CADM2: variants seen among roughly 807,000 people sequenced by gnomAD.
CADM2 encodes cell adhesion molecule 2.
CADM2 carries 12 observed loss-of-function variants against 49.8 expected under a neutral mutation model. The ratio of observed to expected loss-of-function variants is 0.24; its 90% confidence interval spans 0.15 to 0.39. CADM2 has a LOEUF of 0.39. Ranked by LOEUF, CADM2 falls within the 10% of genes least tolerant of loss-of-function variation. The probability of loss-of-function intolerance (pLI) is 1.00; values close to 1 mark genes in which losing one functional copy is unlikely to be tolerated. For missense variants in CADM2, 378 were observed against 492.3 expected (o/e 0.77, Z 2.20); for synonymous variants, 214 against 175.4 (o/e 1.22, Z -1.74).
intron 1 of CADM2, among the ~76,000 whole-genome samples, chr3:85,103,448 A>T: frequency 6.6e-6 from 1 of 152,142 alleles, no homozygotes; most frequent in East Asian, 1.9e-4. Flanking sequence ...ATCATGAGGG[A>T]GCACAAGATA....
intron 1 of CADM2, among the ~76,000 whole-genome samples, chr3:85,034,920 AG>A (rs1038654297): frequency 6.7e-6 from 1 of 148,732 alleles, no homozygotes; most frequent in Non-Finnish European, 1.5e-5. Flanking sequence ...CTCCTGCTTC[AG>A]CCTCCCAAGT....
intron 8 of CADM2, among the ~76,000 whole-genome samples, chr3:86,018,899 A>G (rs1203813290): frequency 1.3e-5 from 2 of 149,548 alleles, no homozygotes; most frequent in Admixed American, 6.7e-5. Context: ...ACATTTGTCA[A>G]TTTTGTCTTT....
At chr3:85,203,225 A>G (rs1024213922) in intron 1 of CADM2, among the ~76,000 whole-genome samples, 5 of 152,214 alleles carry the variant, frequency 3.3e-5, no homozygotes, top group Non-Finnish European at 5.9e-5. Flanking sequence ...GGCTTTTGAC[A>G]TGCCTCCTTC....
At chr3:86,030,584 G>T (rs908257451) in intron 8 of CADM2, among the ~76,000 whole-genome samples, 3 of 151,818 alleles carry the variant, frequency 2.0e-5, no homozygotes, top group Admixed American at 6.6e-5. Context: ...TTTCAGATTT[G>T]CCCACACAAG....
chr3:85,373,411 A>G (rs573259448), intron 1 of CADM2, among the ~76,000 whole-genome samples: 81 of 152,218 alleles, frequency 5.3e-4, no homozygotes, highest in African/African-American at 1.8e-3. Flanking sequence ...CTCTGACCCT[A>G]TGACTTTACA....
chr3:85,301,710 A>T (rs921920432), intron 1 of CADM2, among the ~76,000 whole-genome samples: 1 of 152,036 alleles, frequency 6.6e-6, no homozygotes, highest in Admixed American at 6.6e-5. Context: ...GCATCTGCAG[A>T]TTACTGTAGA....
chr3:85,309,418 T>A (rs2044290314), intron 1 of CADM2, among the ~76,000 whole-genome samples: 1 of 152,138 alleles, frequency 6.6e-6, no homozygotes, highest in South Asian at 2.1e-4. Context: ...CCCATGCAAT[T>A]TGCTTAGCCT....
Position 86,067,978 on chromosome 3 carries a change from A to C in CADM2, c.*1195A>C, listed in dbSNP as rs759413619. The C allele has an allele frequency of 1.3e-5, 2 of 152,518 alleles. No homozygotes were observed. The highest frequency in any genetic ancestry group is 2.9e-5 in the Non-Finnish European group (2 of 67,920). 9.4% of individuals were successfully genotyped at this position (152,518 alleles called of 1,614,324 possible). On this transcript the variant is annotated 3_prime_UTR_variant, in exon 10 of 10. Transcript: ENST00000383699. Reference sequence around the variant, plus strand: ...TTTAAATTACAACCACAGTTGAATAATAACCTAAAAATAAATTTTAGTTTG... The same window carrying C: ...TTTAAATTACAACCACAGTTGAATACTAACCTAAAAATAAATTTTAGTTTG...
rs1207089843 is a variant in CADM2 at position 85,568,527 on chromosome 3, CCT to C, written c.62-157988_62-157987del. Among the ~76,000 whole-genome samples the C allele has an allele frequency of 1.4e-5, 2 of 138,930 alleles. 1 individual carries two copies. Among genetic ancestry groups the C allele is most frequent in the African/African-American group, 5.5e-5 (2 of 36,124 alleles). 91.1% of individuals were successfully genotyped at this position (138,930 alleles called of 152,430 possible). On this transcript the variant is annotated intron_variant, in intron 1 of 9. Coordinates refer to ENST00000383699, the MANE Select transcript of CADM2 (RefSeq NM_001167675.2). ...TCTTTCTTTCTTTCCTCCCTCCCTCCCTCTCTCTTTTCTTTCTTTCTTTCTCT... is the reference window on the plus strand; with the variant it reads ...TCTTTCTTTCTTTCCTCCCTCCCTCCCTCTCTTTTCTTTCTTTCTTTCTCT...
intron 2 of CADM2, among the ~76,000 whole-genome samples, chr3:85,787,614 C>T (rs2071071561): frequency 6.6e-6 from 1 of 152,020 alleles, no homozygotes; most frequent in Non-Finnish European, 1.5e-5. Flanking sequence ...CTGCAAGTAC[C>T]ATATGTTCAG....
intron 1 of CADM2, among the ~76,000 whole-genome samples, chr3:85,723,655 A>C (rs2107774649): frequency 6.6e-6 from 1 of 152,170 alleles, no homozygotes; most frequent in Admixed American, 6.5e-5. Context: ...CAATCAAAGG[A>C]TAAAATCCTC....
intron 1 of CADM2, among the ~76,000 whole-genome samples, chr3:85,194,141 G>C (rs115309658): frequency 0.028 from 4,232 of 152,062 alleles, 185 homozygotes; most frequent in African/African-American, 0.096. Flanking sequence ...CATAAAGCAG[G>C]GGTTGTGGGA....
chr3:85,870,877 T>A (rs1379432971), intron 3 of CADM2, among the ~76,000 whole-genome samples: 1 of 152,108 alleles, frequency 6.6e-6, no homozygotes, highest in Non-Finnish European at 1.5e-5. Flanking sequence ...TTATACCATA[T>A]ACAAAAAAAT....
chr3:85,724,888 A>G (rs1163842183), intron 1 of CADM2, among the ~76,000 whole-genome samples: 2 of 151,920 alleles, frequency 1.3e-5, no homozygotes, highest in African/African-American at 2.4e-5. Context: ...TTTTGATGAA[A>G]TTGAATTTTA....
chr3:85,009,099 G>C (rs17420038), intron 1 of CADM2, among the ~76,000 whole-genome samples: 2 of 152,088 alleles, frequency 1.3e-5, no homozygotes, highest in African/African-American at 2.4e-5. Context: ...TTAGAGCAGG[G>C]CTTGTTCACA....
chr3:85,273,867 G>A (rs573161209), intron 1 of CADM2, among the ~76,000 whole-genome samples: 2 of 151,408 alleles, frequency 1.3e-5, no homozygotes, highest in African/African-American at 4.8e-5. Context: ...GGAGATGGAC[G>A]TAAGAAGAGG....
chr3:85,304,984 A>G (rs1466491103), intron 1 of CADM2, among the ~76,000 whole-genome samples: 1 of 151,742 alleles, frequency 6.6e-6, no homozygotes. Flanking sequence ...AAATTATTGT[A>G]GCTATTGAAA....
chr3:85,373,094 C>G (rs1019121743), intron 1 of CADM2, among the ~76,000 whole-genome samples: 34 of 152,150 alleles, frequency 2.2e-4, no homozygotes, highest in South Asian at 1.7e-3. Flanking sequence ...CCCAAAGTCT[C>G]GACTCATTTC....
chr3:85,255,340 G>A (rs963417280), intron 1 of CADM2, among the ~76,000 whole-genome samples: 17 of 152,100 alleles, frequency 1.1e-4, no homozygotes, highest in Non-Finnish European at 2.4e-4. Context: ...TTAAAGAAGA[G>A]GCTTCATTTG....
Sources: gnomAD v4.1 joint callset for allele counts (sites outside exome capture counted in the v4.1 genomes callset) on GRCh38, gnomAD v4.1.1 for gene constraint, MANE v1.5 for transcripts, NCBI Gene and HGNC (gene_info 2026-07-23, HGNC 2026-07-21) for gene names.